Variants in ENTPD3 observed in about 807,000 individuals in gnomAD.
The protein encoded by ENTPD3 is CD39 antigen-like 3.
Under a neutral mutation model 51.2 loss-of-function variants are expected in ENTPD3, and 60 were observed. The observed-to-expected ratio is 1.17, with a 90% CI of 0.95 to 1.45. The LOEUF (loss-of-function observed/expected upper bound fraction) is 1.45. Ranked by LOEUF, ENTPD3 falls within the 40% of genes most tolerant of loss-of-function variation. ENTPD3 has a pLI of 0.00. For missense variants in ENTPD3, 593 were observed against 641.1 expected (o/e 0.93, Z 0.81); for synonymous variants, 221 against 238.4 (o/e 0.93, Z 0.67).
At chr3:40,416,140 C>T in intron 7 of ENTPD3, 67 bp downstream of exon 7, 1 of 1,166,700 alleles carries the variant, frequency 8.6e-7, no homozygotes, top group Non-Finnish European at 1.3e-6. Context: ...GGAGAATGCC[C>T]TGCCTTCTGG....
At chr3:40,421,606 C>G (rs1955873540) in intron 7 of ENTPD3, among the ~76,000 whole-genome samples, 1 of 151,996 alleles carries the variant, frequency 6.6e-6, no homozygotes, top group South Asian at 2.1e-4. Flanking sequence ...GATTGGGAAC[C>G]ACCTCAATGT....
At chr3:40,394,148 T>TC (rs1249082264) in intron 3 of ENTPD3, among the ~76,000 whole-genome samples, 1 of 151,318 alleles carries the variant, frequency 6.6e-6, no homozygotes, top group Non-Finnish European at 1.5e-5. Context: ...GGAGTCGTGC[T>TC]CCGTCACCTA....
chr3:40,407,657 T>G (rs1454795075), intron 4 of ENTPD3, among the ~76,000 whole-genome samples: 1 of 152,014 alleles, frequency 6.6e-6, no homozygotes, highest in African/African-American at 2.4e-5. Context: ...GAATAGATAC[T>G]GAAGAAAAGA....
chr3:40,409,548 C>G (rs1955581356), intron 4 of ENTPD3, among the ~76,000 whole-genome samples: 2 of 152,146 alleles, frequency 1.3e-5, no homozygotes, highest in Non-Finnish European at 2.9e-5. Context: ...CACATCCAAG[C>G]AAAACTTGTA....
Position 40,400,892 on chromosome 3 carries a change from A to T in ENTPD3, c.169-2A>T, listed in dbSNP as rs202138813. 32 of 1,611,390 alleles carry T rather than the reference A, an allele frequency of 2.0e-5. No homozygotes were observed. The African/African-American group carries it at 3.5e-4, about 18-fold the overall frequency. On this transcript the variant is annotated splice_acceptor_variant, in intron 3 of 10. Transcript: ENST00000301825. LOFTEE classifies it high-confidence loss of function. ...TGACTCTCCCTTTCCCTTTTTATTCAGTATGGTATTGTGCTGGATGCCGGG... is the reference window on the plus strand; with the variant it reads ...TGACTCTCCCTTTCCCTTTTTATTCTGTATGGTATTGTGCTGGATGCCGGG...
rs773994453 is a variant in ENTPD3 at position 40,415,972 on chromosome 3, C to T, written c.730C>T (p.Gln244Ter). Residue 244 changes from glutamine to a stop codon, truncating the protein, a stop_gained, in exon 7 of 11, where the codon CAG (glutamine) becomes TAG (stop). Coordinates refer to ENST00000301825, the MANE Select transcript of ENTPD3 (RefSeq NM_001248.4). LOFTEE classifies it high-confidence loss of function. ...KMDLNTSDIM[Q>*]VSLYGYVYTL... is the part of the protein sequence containing the mutation. ...GGATCTGAACACCAGCGACATCATG[C>T]AGGTGTCCCTGTATGGCTACGTATA... The T allele has an allele frequency of 4.3e-6, 7 of 1,614,070 alleles. No homozygotes were observed. Among genetic ancestry groups the T allele is most frequent in the East Asian group, 4.5e-5 (2 of 44,874 alleles).
intron 8 of ENTPD3, 39 bp downstream of exon 8, chr3:40,423,161 G>A: frequency 6.3e-7 from 1 of 1,591,212 alleles, no homozygotes; most frequent in South Asian, 1.1e-5. Flanking sequence ...TTTCCCCATT[G>A]AATATTCATT....
At chr3:40,409,472 T>C (rs1259918267) in intron 4 of ENTPD3, among the ~76,000 whole-genome samples, 1 of 152,126 alleles carries the variant, frequency 6.6e-6, no homozygotes, top group Non-Finnish European at 1.5e-5. Flanking sequence ...TTGGCCAAGG[T>C]TGAGAAAGCC....
intron 4 of ENTPD3, among the ~76,000 whole-genome samples, chr3:40,408,764 G>A (rs901570421): frequency 7.2e-5 from 11 of 152,034 alleles, no homozygotes; most frequent in African/African-American, 2.4e-4. Context: ...AGGCACAATG[G>A]TGTGCACCTA....
chr3:40,390,619 C>G (rs1955030818), intron 2 of ENTPD3, among the ~76,000 whole-genome samples: 1 of 152,128 alleles, frequency 6.6e-6, no homozygotes, highest in South Asian at 2.1e-4. Flanking sequence ...GTGTTCTTGC[C>G]TTCTAAAAGT....
In ENTPD3 at chr3:40,411,972, A is replaced by T. The variant is rs1036233947; in HGVS notation, c.437+10A>T. On this transcript the variant is annotated intron_variant, in intron 5 of 10. Coordinates refer to ENST00000301825, the MANE Select transcript of ENTPD3 (RefSeq NM_001248.4). Reference sequence around the variant, plus strand: ...GGATGCGCTTGCTGAGGTAAAGGCTAAGTGGCACAAAGGAGCCCATTTGAC... The same window carrying T: ...GGATGCGCTTGCTGAGGTAAAGGCTTAGTGGCACAAAGGAGCCCATTTGAC... The T allele has an allele frequency of 3.7e-6, 6 of 1,605,894 alleles. No individual in the cohort carries two copies. Among genetic ancestry groups the T allele is most frequent in the East Asian group, 2.2e-5 (1 of 44,562 alleles).
chr3:40,404,839 T>A (rs1019828944), intron 4 of ENTPD3, among the ~76,000 whole-genome samples: 2 of 152,186 alleles, frequency 1.3e-5, no homozygotes, highest in Non-Finnish European at 2.9e-5. Flanking sequence ...GATGAATGCT[T>A]GCTCACCCAG....
At chr3:40,400,187 C>T (rs577889129) in intron 3 of ENTPD3, among the ~76,000 whole-genome samples, 1 of 151,478 alleles carries the variant, frequency 6.6e-6, no homozygotes, top group Non-Finnish European at 1.5e-5. Context: ...ATCACTTGAA[C>T]CCGGGAGGCA....
At chr3:40,420,241 CT>C (rs879525041) in intron 7 of ENTPD3, among the ~76,000 whole-genome samples, 55 of 140,752 alleles carry the variant, frequency 3.9e-4, no homozygotes, top group Admixed American at 4.3e-4. Flanking sequence ...TTCTTTTTTT[CT>C]TTTTTTTTTT....
At chr3:40,421,054 TGCTTTGTCACCCAGGCTGGAGTGTAATG>T (rs927506838) in intron 7 of ENTPD3, among the ~76,000 whole-genome samples, 6 of 151,368 alleles carry the variant, frequency 4.0e-5, no homozygotes, top group Non-Finnish European at 7.4e-5. Context: ...GACGGAGTCT[TGCTTTGTCACCCAGGCTGGAGTGTAATG>T]GTGCAATCTC....
In ENTPD3 at chr3:40,410,730, C is replaced by A. The variant is rs374622156; in HGVS notation, c.287-1082C>A. On this transcript the variant is annotated intron_variant, in intron 4 of 10. Transcript: ENST00000301825. ...CAAACTCTAGACTGTGGAAATTCTT[C>A]AGGACGAAGAAATTGCAAGTAAAAT... Among the ~76,000 whole-genome samples the A allele has an allele frequency of 2.6e-5, 4 of 152,000 alleles. No individual in the cohort carries two copies. The East Asian group carries it at 5.8e-4, about 22-fold the overall frequency.
chr3:40,397,347 A>T (rs1446797834), intron 3 of ENTPD3, among the ~76,000 whole-genome samples: 1 of 151,634 alleles, frequency 6.6e-6, no homozygotes, highest in Non-Finnish European at 1.5e-5. Context: ...CAGTCATGCC[A>T]TTACACTTGG....
In ENTPD3 at chr3:40,392,163, G is replaced by A; in HGVS notation, c.168+13G>A. 1.2e-6 allele frequency: 2 copies of A among 1,612,746 alleles called. No individual in the cohort carries two copies. The highest frequency in any genetic ancestry group is 2.2e-5 in the South Asian group (2 of 90,764). On this transcript the variant is annotated intron_variant, in intron 3 of 10. Transcript: ENST00000301825. ...TCCAGGACTGAAGGTAAGTGTGAAG[G>A]GACTGGCAACAAAGGGAAGAAATGA...
Position 40,388,065 on chromosome 3 carries a change from C to T in ENTPD3, c.8C>T (p.Thr3Ile), listed in dbSNP as rs1201491645. Residue 3 changes from threonine (T) to isoleucine (I), a missense_variant, in exon 2 of 11, where the codon ACT (threonine) becomes ATT (isoleucine). Physicochemically the swap from Thr to Ile is moderately conservative, Grantham distance 89 (BLOSUM62 -1). Coordinates refer to ENST00000301825, the MANE Select transcript of ENTPD3 (RefSeq NM_001248.4). MF[T>I]VLTRQPCEQA... Reference sequence around the variant, plus strand: ...CTGCAGCTAGGAGAAAAGATGTTCACTGTGCTGACCCGCCAACCATGTGAG... The same window carrying T: ...CTGCAGCTAGGAGAAAAGATGTTCATTGTGCTGACCCGCCAACCATGTGAG... The T allele has an allele frequency of 3.7e-6, 6 of 1,613,992 alleles. No homozygotes were observed. The Admixed American group carries it at 8.3e-5, about 22-fold the overall frequency.
Sources: gnomAD v4.1 joint callset for allele counts (sites outside exome capture counted in the v4.1 genomes callset) on GRCh38, gnomAD v4.1.1 for gene constraint, MANE v1.5 for transcripts, NCBI Gene and HGNC (gene_info 2026-07-23, HGNC 2026-07-21) for gene names.